The following ADCY10 variants were observed in gnomAD, a reference collection of about 807,000 sequenced individuals.
ADCY10 encodes adenylate cyclase 10.
A neutral mutation model predicts 183.3 loss-of-function variants in ADCY10; 156 were observed. The observed-to-expected ratio is 0.85, with a 90% CI of 0.75 to 0.97. The LOEUF (loss-of-function observed/expected upper bound fraction) is 0.97. ADCY10 is among the 50% of genes least tolerant of loss of function. The pLI is 0.00. For missense variants in ADCY10, 1,745 were observed against 1,934.3 expected (o/e 0.90, Z 1.84); for synonymous variants, 645 against 670.0 (o/e 0.96, Z 0.58).
intron 1 of ADCY10, among the ~76,000 whole-genome samples, chr1:167,909,031 CT>C (rs1557840700): frequency 6.6e-6 from 1 of 152,232 alleles, no homozygotes; most frequent in Non-Finnish European, 1.5e-5. Context: ...ACATTACCAG[CT>C]TTCCAGAAGT....
intron 14 of ADCY10, among the ~76,000 whole-genome samples, chr1:167,868,924 C>T (rs111887049): frequency 0.029 from 4,425 of 152,236 alleles, 210 homozygotes; most frequent in African/African-American, 0.1. Flanking sequence ...CTTGACTATT[C>T]TGGCCCGGCA....
chr1:167,892,338 G>A (rs1315998963), intron 8 of ADCY10, among the ~76,000 whole-genome samples: 2 of 152,150 alleles, frequency 1.3e-5, no homozygotes, highest in African/African-American at 4.8e-5. Context: ...GTTTTGGCTT[G>A]GAAAAGAGGA....
chr1:167,875,019 A>G (rs1667352783), intron 13 of ADCY10, 112 bp downstream of exon 13: 3 of 925,788 alleles, frequency 3.2e-6, no homozygotes, highest in East Asian at 4.9e-5. Flanking sequence ...GATGATGATT[A>G]TATTTTCATT....
chr1:167,896,582 G>A lies in ADCY10; in HGVS notation c.739+13C>T, dbSNP rs1416679526. ...GGTAGAGGCAAAGGCATTTTTCCAT[G>A]GTGGGTACTTACTTTTGTGCTCACC... On this transcript the variant is annotated intron_variant, in intron 7 of 32. Transcript: ENST00000367851. 2 of 1,594,058 alleles carry A rather than the reference G, an allele frequency of 1.3e-6. No individual in the cohort carries two copies. Among genetic ancestry groups the A allele is most frequent in the Non-Finnish European group, 1.7e-6 (2 of 1,162,102 alleles).
intron 14 of ADCY10, among the ~76,000 whole-genome samples, chr1:167,862,722 T>A (rs1666370309): frequency 6.6e-6 from 1 of 152,224 alleles, no homozygotes; most frequent in Non-Finnish European, 1.5e-5. Context: ...CCTTCAGCAA[T>A]GATAAAGATA....
At chr1:167,825,471 T>C (rs925944738) in intron 26 of ADCY10, among the ~76,000 whole-genome samples, 26 of 152,002 alleles carry the variant, frequency 1.7e-4, no homozygotes, top group African/African-American at 6.3e-4. Context: ...GGCACAATAG[T>C]GAGACCCTGT....
rs548660693 is a variant in ADCY10 at position 167,818,397 on chromosome 1, C to A, written c.4287-130G>T. 2.7e-4 allele frequency: 221 copies of A among 826,016 alleles called. 1 individual carries two copies. The South Asian group carries it at 2.8e-3, about 10-fold the overall frequency. 51.2% of individuals were successfully genotyped at this position (826,016 alleles called of 1,614,324 possible). A position where few individuals can be genotyped will look rare whatever the true frequency, so the allele number is the denominator to read the frequency against. ...TGGAAGTGTGTAGTCTCCTGCCTAC[C>A]CCTGCTTCACACTCCCTAAAAAAGC... On this transcript the variant is annotated intron_variant, in intron 30 of 32. Transcript: ENST00000367851.
Position 167,878,498 on chromosome 1 carries a change from C to G in ADCY10, c.1354G>C (p.Gly452Arg). 6.2e-7 allele frequency: 1 copy of G among 1,614,168 alleles called. No individual in the cohort carries two copies. The highest frequency in any genetic ancestry group is 8.5e-7 in the Non-Finnish European group (1 of 1,180,040). The change falls in exon 12 of 33, where the codon GGT becomes CGT. Residue 452 changes from glycine to arginine, a missense_variant. Physicochemically the swap from Gly to Arg is moderately radical, Grantham distance 125. Transcript: ENST00000367851. ...TACAATGGTCCAGAATCTGCAACAC[C>G]TTTCATAACTTTCTTTGGAAGCTCT... ...FKELPKKVMK[G>R]VADSGPLYQY...
chr1:167,897,458 C>G (rs1669056925), intron 6 of ADCY10, among the ~76,000 whole-genome samples: 1 of 149,866 alleles, frequency 6.7e-6, no homozygotes, highest in Admixed American at 6.7e-5. Context: ...GATCATGCCA[C>G]CTCACTCCCC....
At chr1:167,830,109 C>T (rs1663601288) in intron 25 of ADCY10, among the ~76,000 whole-genome samples, 1 of 152,194 alleles carries the variant, frequency 6.6e-6, no homozygotes, top group African/African-American at 2.4e-5. Flanking sequence ...TACTCTATGT[C>T]TGCCTTATCC....
At position 167,880,288 on chromosome 1, in the gene ADCY10, G is replaced by T; in HGVS notation, c.1140-97C>A. On this transcript the variant is annotated intron_variant, in intron 10 of 32. Coordinates refer to ENST00000367851, the MANE Select transcript of ADCY10 (RefSeq NM_018417.6). ...GGAAATAATGTCTGGGTTGGGAAAG[G>T]GTGGGAAAGGATTTTCTCTACCCGT... 4.2e-6 allele frequency: 5 copies of T among 1,194,634 alleles called. No individual in the cohort carries two copies. In the South Asian group the frequency reaches 5.1e-5, roughly 12 times the overall value. The allele number at this position is 1,194,634 out of a possible 1,614,324, so 74.0% of individuals were successfully genotyped here.
intron 18 of ADCY10, among the ~76,000 whole-genome samples, chr1:167,853,553 A>G (rs1190252859): frequency 1.3e-5 from 2 of 152,134 alleles, no homozygotes; most frequent in African/African-American, 4.8e-5. Flanking sequence ...ATCTAGCCTT[A>G]ATTCTCTGCT....
chr1:167,846,369 T>A, intron 19 of ADCY10, 106 bp from the exon 20 acceptor site: 1 of 1,417,780 alleles, frequency 7.1e-7, no homozygotes. Flanking sequence ...ACAGTTCTTG[T>A]TGCAAGAAAC....
At chr1:167,896,822 T>G (rs952024202) in intron 6 of ADCY10, 131 bp from the exon 7 acceptor site, 17 of 673,370 alleles carry the variant, frequency 2.5e-5, no homozygotes, top group Non-Finnish European at 3.2e-5. Context: ...ACCAAGACTA[T>G]TTGATTTGTA....
intron 7 of ADCY10, among the ~76,000 whole-genome samples, chr1:167,896,161 C>T (rs901214155): frequency 1.3e-5 from 2 of 151,800 alleles, no homozygotes; most frequent in African/African-American, 2.4e-5. Flanking sequence ...CGGTGCAAGA[C>T]TGAAGAGCAG....
At chr1:167,832,868 G>T in intron 25 of ADCY10, 119 bp downstream of exon 25, 2 of 1,069,828 alleles carry the variant, frequency 1.9e-6, no homozygotes, top group Non-Finnish European at 2.8e-6. Context: ...AATGGTCAGA[G>T]CCAAACAGGA....
chr1:167,842,982 G>A (rs541175608), intron 21 of ADCY10, among the ~76,000 whole-genome samples: 1 of 152,268 alleles, frequency 6.6e-6, no homozygotes, highest in African/African-American at 2.4e-5. Flanking sequence ...TTTGTGATAC[G>A]ACATTTAGGG....
chr1:167,904,749 C>T (rs1669699633), intron 2 of ADCY10: 2 of 616,198 alleles, frequency 3.2e-6, no homozygotes, highest in East Asian at 5.5e-5. Flanking sequence ...GATACTGGAG[C>T]AAAGAATGGG....
intron 8 of ADCY10, 68 bp from the exon 9 acceptor site, chr1:167,883,696 A>T: frequency 6.9e-7 from 1 of 1,444,464 alleles, no homozygotes; most frequent in Admixed American, 1.7e-5. Flanking sequence ...CACCGCCCCC[A>T]CCTCATACCC....
Sources: allele counts gnomAD v4.1 joint callset (sites outside exome capture counted in the v4.1 genomes callset), GRCh38; gene constraint gnomAD v4.1.1; transcripts MANE v1.5; gene names NCBI Gene and HGNC (gene_info 2026-07-23, HGNC 2026-07-21).